The following MYH1 variants were observed in gnomAD, a reference collection of about 807,000 sequenced individuals.
MYH1 encodes the protein myosin-1.
Under a neutral mutation model 225.6 loss-of-function variants are expected in MYH1, and 214 were observed. That is an observed-to-expected ratio of 0.95 (90% confidence interval 0.85 to 1.06). The LOEUF is 1.06. Ranked by LOEUF, MYH1 falls within the 50% of genes least tolerant of loss-of-function variation. The pLI, the probability that MYH1 is intolerant of heterozygous loss-of-function variation, is 0.00. For synonymous variants in MYH1, 774 were observed against 842.3 expected, an observed-to-expected ratio of 0.92 and a Z score of 1.40; for missense variants, 2,098 against 2,344.2, an observed-to-expected ratio of 0.89 and a Z score of 2.17.
At chr17:10,508,223 T>A (rs2142271767) in intron 16 of MYH1, 140 bp downstream of exon 16, 1 of 998,620 alleles carries the variant, frequency 1.0e-6, no homozygotes, top group Admixed American at 2.5e-5. Flanking sequence ...TTTGCTATGT[T>A]GACCGGGCTG....
chr17:10,500,822 A>T (rs1250886333), intron 27 of MYH1, 70 bp from the exon 28 acceptor site: 1 of 1,597,708 alleles, frequency 6.3e-7, no homozygotes, highest in Non-Finnish European at 8.6e-7. Flanking sequence ...AGTAATCTAA[A>T]CATTCCATAT....
chr17:10,514,030 C>T lies in MYH1; in HGVS notation c.628G>A (p.Val210Ile), dbSNP rs924871375. The T allele has an allele frequency of 3.1e-6, 5 of 1,614,138 alleles. No homozygotes were observed. The South Asian group carries it at 3.3e-5, about 11-fold the overall frequency. The change falls in exon 7 of 40, where the codon GTT becomes ATT. Residue 210 changes from valine (V) to isoleucine (I), a missense_variant. By Grantham distance (29) the Val-to-Ile change is conservative. Coordinates refer to ENST00000226207, the MANE Select transcript of MYH1 (RefSeq NM_005963.4). The part of the protein sequence containing the change: ...AVTGEKKKEE[V>I]TSGKMQGTLE... ...CTCACCTGCATTTTGCCAGAAGTAA[C>T]TTCTTCCTTCTTCTTCTCCCCAGTA...
Position 10,492,487 on chromosome 17 carries a change from C to G in MYH1, c.5749G>C (p.Ala1917Pro), listed in dbSNP as rs370774399. ...CTCAGCTTGTTGACCTGGGACTCAGCAATGTCAGCCCGTTCCTCGGCCTCC... is the reference window on the plus strand; with the variant it reads ...CTCAGCTTGTTGACCTGGGACTCAGGAATGTCAGCCCGTTCCTCGGCCTCC... ...LEEAEERADI[A>P]ESQVNKLRVK... The change falls in exon 40 of 40, where the codon GCT becomes CCT. Residue 1917 changes from alanine to proline, a missense_variant. Physicochemically the swap from Ala to Pro is conservative, Grantham distance 27 (BLOSUM62 -1). Transcript: ENST00000226207. 27 of 1,614,074 alleles carry G rather than the reference C, an allele frequency of 1.7e-5. No individual in the cohort carries two copies. Among genetic ancestry groups the G allele is most frequent in the Non-Finnish European group, 2.2e-5 (26 of 1,180,018 alleles).
At chr17:10,513,007 A>G (rs533869602) in intron 9 of MYH1, 42 bp from the exon 10 acceptor site, 2 of 1,386,696 alleles carry the variant, frequency 1.4e-6, no homozygotes, top group Admixed American at 1.7e-5. Flanking sequence ...GAAAAATTAC[A>G]CAATGTCCTG....
intron 16 of MYH1, 67 bp from the exon 17 acceptor site, chr17:10,508,023 T>TTG (rs2073131979): frequency 1.5e-6 from 2 of 1,362,636 alleles, no homozygotes; most frequent in African/African-American, 2.9e-5. Flanking sequence ...TTTTTGTTTT[T>TTG]TTTTGTTTTT....
intron 2 of MYH1, among the ~76,000 whole-genome samples, chr17:10,517,149 G>T (rs993257515): frequency 6.6e-6 from 1 of 152,134 alleles, no homozygotes; most frequent in South Asian, 2.1e-4. Flanking sequence ...ACAGAGAAAG[G>T]CTCAAAGCTG....
chr17:10,509,437 A>C, intron 15 of MYH1, 48 bp downstream of exon 15: 1 of 1,609,820 alleles, frequency 6.2e-7, no homozygotes, highest in East Asian at 2.2e-5. Context: ...ATTTTCTTTT[A>C]AATACTGTAC....
In MYH1 at chr17:10,505,891, A is replaced by C; in HGVS notation, c.2095T>G (p.Cys699Gly). ...CGGATGCCTTCCAGCACACCGTTAC[A>C]CCTCAGCTGATGCAGGACAAGCTCA... ...EHELVLHQLRCNGVLEGIRIC... is the reference protein window; with the variant it reads ...EHELVLHQLRGNGVLEGIRIC... Residue 699 changes from cysteine (C) to glycine (G), a missense_variant, in exon 19 of 40, where the codon TGT becomes GGT. By Grantham distance (159) the Cys-to-Gly change is radical. Coordinates refer to ENST00000226207, the MANE Select transcript of MYH1 (RefSeq NM_005963.4). 3 of 1,614,146 alleles carry C rather than the reference A, an allele frequency of 1.9e-6. No individual in the cohort carries two copies. The highest frequency in any genetic ancestry group is 2.5e-6 in the Non-Finnish European group (3 of 1,180,002).
chr17:10,500,786 T>C, intron 27 of MYH1, 34 bp from the exon 28 acceptor site: 1 of 1,613,860 alleles, frequency 6.2e-7, no homozygotes, highest in Non-Finnish European at 8.5e-7. Flanking sequence ...GCATCTCAAG[T>C]AAGTAGTTGG....
rs1597433295 is a variant in MYH1 at position 10,494,381 on chromosome 17, T to C, written c.5640A>G (p.Lys1880=). The C allele has an allele frequency of 1.9e-6, 3 of 1,614,214 alleles. No individual in the cohort carries two copies. The Admixed American group carries it at 5.0e-5, about 27-fold the overall frequency. Residue 1880 remains lysine (K), a synonymous_variant, in exon 39 of 40, where the codon AAA becomes AAG. Coordinates refer to ENST00000226207, the MANE Select transcript of MYH1 (RefSeq NM_005963.4). ...CTTCTTCAGCTTGTCTCTTGTAGGA[T>C]TTCACCTTTGCTTGCAGTTTGTCCA... ...DLVDKLQAKV[K]SYKRQAEEAE...
At chr17:10,500,998 T>C (rs2073048125) in intron 27 of MYH1, 112 bp downstream of exon 27, 5 of 1,512,442 alleles carry the variant, frequency 3.3e-6, no homozygotes, top group Non-Finnish European at 4.5e-6. Context: ...ATACGTGATA[T>C]GAGAAAAAGG....
At position 10,508,501 on chromosome 17, in the gene MYH1, C is replaced by T; in HGVS notation, c.1759G>A (p.Gly587Ser). 3 of 1,614,170 alleles carry T rather than the reference C, an allele frequency of 1.9e-6. No individual in the cohort carries two copies. The highest frequency in any genetic ancestry group is 2.5e-6 in the Non-Finnish European group (3 of 1,180,026). ...CCGGCAATGTTGTAGTCCACGGTGC[C>T]AGCATAGTGAATCAAAGAGAAGTGG... is the stretch of plus-strand genomic sequence containing the variant. Reference protein sequence around the residue: ...EAHFSLIHYAGTVDYNIAGWL... With the variant: ...EAHFSLIHYASTVDYNIAGWL... Residue 587 changes from glycine (G) to serine (S), a missense_variant, in exon 16 of 40, where the codon GGC becomes AGC. Transcript: ENST00000226207.
At chr17:10,513,066 G>C in intron 9 of MYH1, 101 bp from the exon 10 acceptor site, 1 of 746,062 alleles carries the variant, frequency 1.3e-6, no homozygotes, top group Non-Finnish European at 2.2e-6. Context: ...CTGGCCTCTT[G>C]AGATTTCAAC....
Position 10,507,886 on chromosome 17 carries a change from C to A in MYH1, c.1968G>T (p.Arg656Ser). The A allele has an allele frequency of 6.2e-7, 1 of 1,612,192 alleles. No homozygotes were observed. Among genetic ancestry groups the A allele is most frequent in the South Asian group, 1.1e-5 (1 of 90,952 alleles). Residue 656 changes from arginine (R) to serine (S), a missense_variant and splice_region_variant, in exon 17 of 40, where the codon AGG (arginine) becomes AGT (serine). Physicochemically the swap from Arg to Ser is moderately radical, Grantham distance 110. Coordinates refer to ENST00000226207, the MANE Select transcript of MYH1 (RefSeq NM_005963.4). Reference protein sequence around the residue: ...SSFQTVSALFRENLNKLMTNL... With the variant: ...SSFQTVSALFSENLNKLMTNL... Reference sequence around the variant, plus strand: ...TAGACAGAGAAAATGAAGTTTGTACCCTGAAGAGAGCAGACACAGTCTGGA... The same window carrying A: ...TAGACAGAGAAAATGAAGTTTGTACACTGAAGAGAGCAGACACAGTCTGGA...
At chr17:10,503,384 T>C in intron 22 of MYH1, 136 bp from the exon 23 acceptor site, 1 of 1,255,160 alleles carries the variant, frequency 8.0e-7, no homozygotes. Flanking sequence ...TACCATTCAG[T>C]AAATATTGGG....
chr17:10,505,232 A>G lies in MYH1; in HGVS notation c.2366T>C (p.Ile789Thr). 1 of 1,614,242 alleles carries G rather than the reference A, an allele frequency of 6.2e-7. No individual in the cohort carries two copies. Among genetic ancestry groups the G allele is most frequent in the Non-Finnish European group, 8.5e-7 (1 of 1,180,040 alleles). ...EMRDEKLAQL[I>T]TRTQAMCRGF... ...TCTGCACATGGCCTGGGTTCGGGTA[A>G]TCAGCTGGGCCAGCTTCTCATCTCG... is the stretch of plus-strand genomic sequence containing the variant. Residue 789 changes from isoleucine (I) to threonine (T), a missense_variant, in exon 21 of 40, where the codon ATT becomes ACT. Ile to Thr is a moderately conservative substitution (Grantham distance 89, BLOSUM62 -1). Transcript: ENST00000226207.
chr17:10,504,355 G>C (rs2073088283), intron 22 of MYH1, among the ~76,000 whole-genome samples: 1 of 152,168 alleles, frequency 6.6e-6, no homozygotes, highest in Non-Finnish European at 1.5e-5. Flanking sequence ...ACTCTTTCAG[G>C]TACTAAAAGT....
In MYH1 at chr17:10,509,596, G is replaced by A. The variant is rs141597159; in HGVS notation, c.1476C>T (p.Phe492=). The A allele has an allele frequency of 1.2e-6, 2 of 1,614,074 alleles. No homozygotes were observed. The highest frequency in any genetic ancestry group is 2.2e-5 in the East Asian group (1 of 44,888). The change falls in exon 15 of 40, where the codon TTC becomes TTT. Residue 492 remains phenylalanine (F), a synonymous_variant. Transcript: ENST00000226207. ...NFTNEKLQQF[F]NHHMFVLEQE... Reference sequence around the variant, plus strand: ...GCTCCAGCACGAACATGTGGTGGTTGAAAAACTGTTGCAGTTTCTCATTGG... The same window carrying A: ...GCTCCAGCACGAACATGTGGTGGTTAAAAAACTGTTGCAGTTTCTCATTGG...
At position 10,512,976 on chromosome 17, in the gene MYH1, TA is replaced by T; in HGVS notation, c.806-12del. ...ACTTCTCCAGAAGATCTGCAACGGA[TA>T]GTAGACATCAGATTATGGGGAAAAA... On this transcript the variant is annotated splice_polypyrimidine_tract_variant and intron_variant, in intron 9 of 39. Coordinates refer to ENST00000226207, the MANE Select transcript of MYH1 (RefSeq NM_005963.4). 6.3e-7 allele frequency: 1 copy of T among 1,579,986 alleles called. No homozygotes were observed. Among genetic ancestry groups the T allele is most frequent in the Non-Finnish European group, 8.7e-7 (1 of 1,150,978 alleles).
Sources: allele counts gnomAD v4.1 joint callset (sites outside exome capture counted in the v4.1 genomes callset), GRCh38; gene constraint gnomAD v4.1.1; transcripts MANE v1.5; gene names NCBI Gene and HGNC (gene_info 2026-07-23, HGNC 2026-07-21).